Variants in SLC2A13 observed in about 807,000 individuals in gnomAD.
SLC2A13 encodes the protein proton myo-inositol cotransporter.
SLC2A13 carries 32 observed loss-of-function variants against 64.4 expected under a neutral mutation model. That is an observed-to-expected ratio of 0.50 (90% confidence interval 0.37 to 0.67). The LOEUF (loss-of-function observed/expected upper bound fraction) is 0.67, where lower values mean the gene tolerates loss of function less well. Among genes scored for constraint, SLC2A13 ranks in the 30% least tolerant of loss-of-function variants. SLC2A13 has a pLI of 0.00. For synonymous variants in SLC2A13, 338 were observed against 327.1 expected (o/e 1.03, Z -0.36); for missense variants, 743 against 829.2 (o/e 0.90, Z 1.28).
rs372878920 is a variant in SLC2A13, at chr12:39,800,551, A to C, written c.1445+29552T>G. ...CAAATCAAAACCACTATGAGATATC[A>C]TCTCACACCAGTTAGAATGGCAATC... On this transcript the variant is annotated intron_variant, in intron 7 of 9. Transcript: ENST00000280871. Among the ~76,000 whole-genome samples the C allele has an allele frequency of 8.6e-3, 936 of 108,562 alleles. 15 individuals are homozygous for C. The highest frequency in any genetic ancestry group is 0.032 in the African/African-American group (859 of 26,944). The allele number at this position is 108,562 out of a possible 152,430, so 71.2% of individuals were successfully genotyped here.
intron 3 of SLC2A13, among the ~76,000 whole-genome samples, chr12:40,019,887 C>A (rs1384838932): frequency 2.6e-5 from 4 of 152,184 alleles, no homozygotes; most frequent in Admixed American, 2.6e-4. Context: ...TAATAATTTT[C>A]TCCTCACTGT....
intron 1 of SLC2A13, among the ~76,000 whole-genome samples, chr12:40,097,615 C>A (rs1056175841): frequency 1.3e-5 from 2 of 152,094 alleles, no homozygotes; most frequent in Admixed American, 6.5e-5. Context: ...AAGTGGCCAA[C>A]AAGCCTATGA....
In SLC2A13 at chr12:39,799,524, C is replaced by T. The variant is rs544673374; in HGVS notation, c.1445+30579G>A. 3.9e-5 allele frequency among the ~76,000 whole-genome samples: 6 copies of T among 152,012 alleles called. No homozygotes were observed. In the South Asian group the frequency reaches 1.3e-3, roughly 32 times the overall value. The stretch of plus-strand genomic sequence containing the variant: ...AAAATAAGCTTCATTTCCCTTAGAA[C>T]TGGCAGAGTAGAGTAAATCAAATAA... On this transcript the variant is annotated intron_variant, in intron 7 of 9. Transcript: ENST00000280871.
intron 1 of SLC2A13, among the ~76,000 whole-genome samples, chr12:40,073,998 G>A (rs1182519083): frequency 6.6e-6 from 1 of 151,642 alleles, no homozygotes; most frequent in East Asian, 1.9e-4. Context: ...TTATATGTAT[G>A]TTACACCTTT....
chr12:39,885,736 A>G (rs1022848135), intron 4 of SLC2A13, among the ~76,000 whole-genome samples: 1 of 152,182 alleles, frequency 6.6e-6, no homozygotes, highest in Admixed American at 6.6e-5. Flanking sequence ...TAGCTGCTAA[A>G]ACATTTAGAG....
chr12:39,810,099 T>C (rs984240200), intron 7 of SLC2A13, among the ~76,000 whole-genome samples: 1 of 152,206 alleles, frequency 6.6e-6, no homozygotes, highest in African/African-American at 2.4e-5. Context: ...TCCACAATGG[T>C]TGGACTAGTT....
chr12:39,875,847 A>G (rs1333261191), intron 4 of SLC2A13, among the ~76,000 whole-genome samples: 1 of 152,206 alleles, frequency 6.6e-6, no homozygotes, highest in African/African-American at 2.4e-5. Context: ...CCATTTAAGT[A>G]ATGGGCTACC....
chr12:39,940,410 ATT>A (rs573235150), intron 4 of SLC2A13, among the ~76,000 whole-genome samples: 1 of 148,142 alleles, frequency 6.8e-6, no homozygotes, highest in African/African-American at 2.5e-5. Flanking sequence ...TTGCGTGGTA[ATT>A]TTTTTTTTTA....
intron 4 of SLC2A13, among the ~76,000 whole-genome samples, chr12:39,903,649 T>C (rs1490330411): frequency 6.6e-6 from 1 of 152,026 alleles, no homozygotes; most frequent in African/African-American, 2.4e-5. Context: ...AGCCTAGGGC[T>C]TCTACAGGCA....
chr12:39,760,280 A>G (rs377543088), intron 9 of SLC2A13, 28 bp from the exon 10 acceptor site: 51 of 1,563,838 alleles, frequency 3.3e-5, no homozygotes, highest in Admixed American at 8.8e-5. Flanking sequence ...AGATACATGA[A>G]TATGAATATA....
At chr12:39,901,828 C>A (rs568571190) in intron 4 of SLC2A13, among the ~76,000 whole-genome samples, 23 of 145,826 alleles carry the variant, frequency 1.6e-4, no homozygotes, top group East Asian at 1.2e-3. Context: ...TTGACCCAGC[C>A]ATCCCATTAC....
intron 7 of SLC2A13, among the ~76,000 whole-genome samples, chr12:39,787,534 A>G (rs1420269292): frequency 6.6e-6 from 1 of 152,044 alleles, no homozygotes; most frequent in African/African-American, 2.4e-5. Context: ...CAGGCATACT[A>G]CTTTTCTTAA....
chr12:39,903,043 GA>G (rs1945176346), intron 4 of SLC2A13, among the ~76,000 whole-genome samples: 1 of 152,114 alleles, frequency 6.6e-6, no homozygotes, highest in Non-Finnish European at 1.5e-5. Context: ...TGAGTAATAT[GA>G]GTATGACTCA....
chr12:39,994,745 A>G (rs1026873466), intron 3 of SLC2A13, among the ~76,000 whole-genome samples: 14 of 152,338 alleles, frequency 9.2e-5, no homozygotes, highest in Middle Eastern at 3.4e-3. Flanking sequence ...CTGAGAAAGT[A>G]CCTTAACTTT....
intron 7 of SLC2A13, among the ~76,000 whole-genome samples, chr12:39,811,369 A>AT (rs1164352753): frequency 2.0e-5 from 3 of 151,524 alleles, no homozygotes; most frequent in East Asian, 3.9e-4. Context: ...CTTGCTCTTC[A>AT]TTTTTTAGCT....
chr12:39,991,057 G>A (rs1210501020), intron 3 of SLC2A13, among the ~76,000 whole-genome samples: 1 of 152,158 alleles, frequency 6.6e-6, no homozygotes, highest in Admixed American at 6.5e-5. Flanking sequence ...CTGGTCCACA[G>A]AGAAGTTTCC....
At chr12:39,896,643 A>G (rs533307970) in intron 4 of SLC2A13, among the ~76,000 whole-genome samples, 1 of 151,684 alleles carries the variant, frequency 6.6e-6, no homozygotes, top group African/African-American at 2.4e-5. Context: ...AACTTCTGGA[A>G]GAAAACAACA....
intron 1 of SLC2A13, among the ~76,000 whole-genome samples, chr12:40,059,351 T>C (rs999827475): frequency 6.6e-5 from 10 of 152,260 alleles, no homozygotes; most frequent in South Asian, 2.1e-4. Context: ...ATAGATAAGA[T>C]AGACATATAG....
chr12:39,776,038 TGA>T (rs1940763353), intron 7 of SLC2A13, among the ~76,000 whole-genome samples: 2 of 152,220 alleles, frequency 1.3e-5, no homozygotes, highest in Non-Finnish European at 2.9e-5. Context: ...AGTATTAATT[TGA>T]GAAGATGGGA....
Sources: allele counts gnomAD v4.1 joint callset (sites outside exome capture counted in the v4.1 genomes callset), GRCh38; gene constraint gnomAD v4.1.1; transcripts MANE v1.5; gene names NCBI Gene and HGNC (gene_info 2026-07-23, HGNC 2026-07-21).